KCNU1: variants seen among roughly 807,000 people sequenced by gnomAD.
KCNU1 encodes potassium calcium-activated channel subfamily U member 1.
In KCNU1, 93 loss-of-function variants were observed where a neutral mutation model predicts 126.8. The ratio of observed to expected loss-of-function variants is 0.73; its 90% CI spans 0.62 to 0.87. KCNU1 has a LOEUF of 0.87. Among genes scored for constraint, KCNU1 ranks in the 40% least tolerant of loss-of-function variants. The pLI is 0.00. For missense variants in KCNU1, 1,330 were observed against 1,367.1 expected (o/e 0.97, Z 0.43); for synonymous variants, 523 against 494.2 (o/e 1.06, Z -0.77).
intron 2 of KCNU1, among the ~76,000 whole-genome samples, chr8:36,797,739 T>C (rs769637929): frequency 5.3e-5 from 8 of 152,162 alleles, no homozygotes; most frequent in Non-Finnish European, 1.0e-4. Flanking sequence ...TTCTTGCTCT[T>C]ACAAGTAAAC....
At chr8:36,801,339 T>C (rs1803296923) in intron 2 of KCNU1, among the ~76,000 whole-genome samples, 1 of 152,176 alleles carries the variant, frequency 6.6e-6, no homozygotes, top group Non-Finnish European at 1.5e-5. Context: ...CCCAGTGCCT[T>C]CTTTTGGTTT....
chr8:36,888,101 T>G (rs1272174947), intron 19 of KCNU1, among the ~76,000 whole-genome samples: 5 of 152,090 alleles, frequency 3.3e-5, no homozygotes, highest in Admixed American at 3.3e-4. Context: ...ATTTTTATTT[T>G]ATAGAGGAGA....
intron 2 of KCNU1, among the ~76,000 whole-genome samples, chr8:36,799,636 T>C (rs1585386631): frequency 6.6e-6 from 1 of 151,602 alleles, no homozygotes; most frequent in Non-Finnish European, 1.5e-5. Context: ...CCGGGTTCAA[T>C]CAATTCTCCT....
intron 2 of KCNU1, among the ~76,000 whole-genome samples, chr8:36,789,365 A>AG (rs1802822494): frequency 6.6e-6 from 1 of 152,054 alleles, no homozygotes; most frequent in Admixed American, 6.6e-5. Context: ...CCCCATCTAA[A>AG]AAAAAAAACA....
intron 24 of KCNU1, among the ~76,000 whole-genome samples, chr8:36,925,587 C>T (rs961654064): frequency 2.6e-5 from 4 of 152,124 alleles, no homozygotes; most frequent in African/African-American, 9.7e-5. Context: ...GTTCTATGTG[C>T]CCTTATCAGT....
intron 18 of KCNU1, among the ~76,000 whole-genome samples, chr8:36,860,144 C>T (rs565798276): frequency 5.3e-5 from 8 of 152,250 alleles, no homozygotes; most frequent in African/African-American, 1.4e-4. Context: ...GTGGTGCGAT[C>T]TCAGCTCACT....
chr8:36,855,319 G>A (rs1805490958), intron 18 of KCNU1, among the ~76,000 whole-genome samples: 1 of 152,090 alleles, frequency 6.6e-6, no homozygotes, highest in African/African-American at 2.4e-5. Context: ...AGGCACATGT[G>A]ACGTTAATAT....
chr8:36,928,975 T>G, intron 24 of KCNU1: 1 of 698,080 alleles, frequency 1.4e-6, no homozygotes, highest in Admixed American at 2.0e-5. Context: ...TGAGAAGCAA[T>G]GATAAAGAAA....
intron 2 of KCNU1, among the ~76,000 whole-genome samples, chr8:36,800,934 G>T (rs146099684): frequency 2.1e-3 from 315 of 152,294 alleles, no homozygotes; most frequent in African/African-American, 7.3e-3. Context: ...GACTGAGTGT[G>T]CAGCAAGGTG....
chr8:36,789,660 A>G (rs970169934), intron 2 of KCNU1, among the ~76,000 whole-genome samples: 2 of 152,230 alleles, frequency 1.3e-5, no homozygotes, highest in African/African-American at 4.8e-5. Context: ...CAGATGAGGA[A>G]TGCCATGAGG....
Position 36,910,325 on chromosome 8 carries a change from GTAAGTTTCCC to G in KCNU1, c.2332-603_2332-594del, listed in dbSNP as rs531915775. Among the ~76,000 whole-genome samples the G allele has an allele frequency of 1.7e-3, 258 of 152,304 alleles. 2 individuals carry two copies. Among genetic ancestry groups the G allele is most frequent in the Non-Finnish European group, 3.1e-3 (213 of 68,022 alleles). On this transcript the variant is annotated intron_variant, in intron 21 of 26. Transcript: ENST00000399881. ...GCATTTGCTTTTTTAAAAAGCCACT[GTAAGTTTCCC>G]TGTACTACCGCTCCTGCTTAAGTCC...
At chr8:36,923,036 C>T (rs1196069167) in intron 24 of KCNU1, 4 of 458,424 alleles carry the variant, frequency 8.7e-6, no homozygotes, top group South Asian at 6.2e-5. Context: ...GAAGCTCTGG[C>T]CTTTGCTGGT....
chr8:36,894,845 G>A (rs909588757), intron 19 of KCNU1, among the ~76,000 whole-genome samples: 7 of 152,004 alleles, frequency 4.6e-5, no homozygotes, highest in Non-Finnish European at 7.4e-5. Context: ...TACAAAGTTC[G>A]TAAAATGTAA....
intron 19 of KCNU1, among the ~76,000 whole-genome samples, chr8:36,872,028 GAA>G (rs1260951682): frequency 6.6e-6 from 1 of 150,902 alleles, no homozygotes; most frequent in Non-Finnish European, 1.5e-5. Context: ...TAGTTTCCAA[GAA>G]AAAAAAATGT....
chr8:36,892,847 T>A (rs995629166), intron 19 of KCNU1, among the ~76,000 whole-genome samples: 2 of 151,846 alleles, frequency 1.3e-5, no homozygotes, highest in Admixed American at 6.6e-5. Context: ...ATACCTCAGG[T>A]TTTTTTTCCC....
intron 2 of KCNU1, among the ~76,000 whole-genome samples, chr8:36,800,567 C>A (rs995073983): frequency 2.0e-5 from 3 of 152,192 alleles, no homozygotes; most frequent in African/African-American, 7.2e-5. Flanking sequence ...TGTCTCCTCT[C>A]GGCCACTATT....
chr8:36,893,144 GT>G (rs34766611), intron 19 of KCNU1, among the ~76,000 whole-genome samples: 9 of 144,652 alleles, frequency 6.2e-5, no homozygotes, highest in East Asian at 2.0e-4. Flanking sequence ...GTTTTTTTTT[GT>G]TTTTTTTTTG....
chr8:36,869,045 C>T (rs191086096), intron 19 of KCNU1, among the ~76,000 whole-genome samples: 1 of 152,236 alleles, frequency 6.6e-6, no homozygotes, highest in Non-Finnish European at 1.5e-5. Context: ...TCTTCTCTAT[C>T]AAAACTCTCT....
At chr8:36,817,522 AAAATC>A in intron 9 of KCNU1, 123 bp from the exon 10 acceptor site, 1 of 497,156 alleles carries the variant, frequency 2.0e-6, no homozygotes. Flanking sequence ...AAAAAAAAAA[AAAATC>A]TGGGTGATGC....
Sources: allele counts gnomAD v4.1 joint callset (sites outside exome capture counted in the v4.1 genomes callset), GRCh38; gene constraint gnomAD v4.1.1; transcripts MANE v1.5; gene names NCBI Gene and HGNC (gene_info 2026-07-23, HGNC 2026-07-21).